Variants in RFX7 observed in about 807,000 individuals in gnomAD.
RFX7 encodes DNA-binding protein RFX7.
Under a neutral mutation model 111.8 loss-of-function variants are expected in RFX7, and 26 were observed. The ratio of observed to expected loss-of-function variants is 0.23; its 90% CI spans 0.17 to 0.32. The LOEUF (loss-of-function observed/expected upper bound fraction) is 0.32, where lower values mean the gene tolerates loss of function less well. Among genes scored for constraint, RFX7 ranks in the 10% least tolerant of loss-of-function variants. The probability of loss-of-function intolerance (pLI) is 1.00; values close to 1 mark genes in which losing one functional copy is unlikely to be tolerated. For synonymous variants in RFX7, 624 were observed against 624.4 expected (o/e 1.00, Z 0.01); for missense variants, 1,573 against 1,772.9 (o/e 0.89, Z 2.02).
rs759170198 is a variant in RFX7 at position 56,093,362 on chromosome 15, CAGT to C, written c.4363_4365del (p.Thr1455del). On this transcript the variant is annotated inframe_deletion, in exon 10 of 10. Coordinates refer to ENST00000559447, the MANE Select transcript of RFX7 (RefSeq NM_022841.7). Reference sequence around the variant, plus strand: ...AACACAATTTAACCCAACATTTCAACAGTAGGATGGTCCTTGCTTTCTATCCAT... The same window carrying C: ...AACACAATTTAACCCAACATTTCAACAGGATGGTCCTTGCTTTCTATCCAT... 5.6e-6 allele frequency: 9 copies of C among 1,609,516 alleles called. No individual in the cohort carries two copies. The highest frequency in any genetic ancestry group is 7.6e-6 in the Non-Finnish European group (9 of 1,177,732).
At chr15:56,110,045 T>G in intron 5 of RFX7, among the ~76,000 whole-genome samples, 1 of 96,452 alleles carries the variant, frequency 1.0e-5, no homozygotes, top group African/African-American at 4.1e-5. Context: ...TACTGGAAAA[T>G]GAGGAGCCCC....
chr15:56,205,168 A>G (rs1291244273), intron 2 of RFX7, among the ~76,000 whole-genome samples: 2 of 152,216 alleles, frequency 1.3e-5, no homozygotes, highest in African/African-American at 4.8e-5. Context: ...TACATCACCA[A>G]AGGAGAGAGA....
intron 3 of RFX7, among the ~76,000 whole-genome samples, chr15:56,163,103 G>C (rs1187801665): frequency 1.3e-5 from 2 of 151,930 alleles, no homozygotes; most frequent in African/African-American, 4.8e-5. Flanking sequence ...AGTCTGTGTC[G>C]GTGAGTTGAC....
intron 2 of RFX7, among the ~76,000 whole-genome samples, chr15:56,184,628 A>G (rs1443376873): frequency 6.7e-6 from 1 of 150,076 alleles, no homozygotes; most frequent in Non-Finnish European, 1.5e-5. Context: ...TCCTACTAGT[A>G]TGATAGTTAA....
At chr15:56,244,401 C>G (rs542234486), upstream of RFX7, 6 of 152,284 alleles carry the variant, frequency 3.9e-5, no homozygotes, top group East Asian at 3.9e-4. Context: ...GAGTGCTCCT[C>G]GGTCGGGCAT....
chr15:56,115,430 G>A (rs1245019384), intron 5 of RFX7, among the ~76,000 whole-genome samples: 1 of 152,174 alleles, frequency 6.6e-6, no homozygotes, highest in African/African-American at 2.4e-5. Context: ...GTTGACACGT[G>A]TGTGGTGGAA....
intron 2 of RFX7, among the ~76,000 whole-genome samples, chr15:56,219,855 T>C (rs1596018082): frequency 2.0e-5 from 3 of 152,238 alleles, no homozygotes; most frequent in African/African-American, 7.2e-5. Flanking sequence ...TAGGGTAGAA[T>C]GATTTCTATT....
intron 5 of RFX7, among the ~76,000 whole-genome samples, chr15:56,121,829 G>A (rs1442978798): frequency 1.3e-5 from 2 of 152,142 alleles, no homozygotes; most frequent in African/African-American, 4.8e-5. Context: ...ATTCTTCAGT[G>A]TATTAATTGC....
chr15:56,201,707 T>A (rs1596005643), intron 2 of RFX7, among the ~76,000 whole-genome samples: 3 of 152,148 alleles, frequency 2.0e-5, no homozygotes, highest in Admixed American at 2.0e-4. Context: ...GATGTATGGA[T>A]AAGAAATCAT....
At chr15:56,218,430 C>G (rs1017440752) in intron 2 of RFX7, among the ~76,000 whole-genome samples, 27 of 152,020 alleles carry the variant, frequency 1.8e-4, no homozygotes, top group African/African-American at 6.0e-4. Context: ...CCACACCCAG[C>G]CTAGAAACAA....
intron 5 of RFX7, among the ~76,000 whole-genome samples, chr15:56,109,141 C>G (rs1251100860): frequency 6.6e-6 from 1 of 152,226 alleles, no homozygotes; most frequent in East Asian, 1.9e-4. Context: ...ACTGCAACCT[C>G]CCTGCCTGAT....
At chr15:56,190,278 G>C (rs190646737) in intron 2 of RFX7, among the ~76,000 whole-genome samples, 36 of 152,278 alleles carry the variant, frequency 2.4e-4, no homozygotes, top group African/African-American at 8.4e-4. Context: ...TCCACTGCTG[G>C]GAGTGCAGTG....
At chr15:56,169,310 AG>A (rs1460977346) in intron 3 of RFX7, among the ~76,000 whole-genome samples, 1 of 152,242 alleles carries the variant, frequency 6.6e-6, no homozygotes, top group African/African-American at 2.4e-5. Context: ...CTCTGCCCTC[AG>A]TAATTCCATA....
chr15:56,178,166 TACACACACACACACACACAC>T (rs140828561), intron 3 of RFX7, among the ~76,000 whole-genome samples: 10 of 119,656 alleles, frequency 8.4e-5, no homozygotes, highest in African/African-American at 3.0e-4. Flanking sequence ...ACCAAAAAAC[TACACACACACACACACACAC>T]ACACACACAC....
At chr15:56,244,761 A>G (rs1199195299), upstream of RFX7, among the ~76,000 whole-genome samples, 2 of 151,922 alleles carry the variant, frequency 1.3e-5, no homozygotes, top group Non-Finnish European at 2.9e-5. Flanking sequence ...GTCAGCCACG[A>G]GCTCCTTCCT....
chr15:56,093,331 T>C lies in RFX7; in HGVS notation c.*14A>G. ...GTCTTTAGATACAGTGTGCTACATG[T>C]TATAAAACACAATTTAACCCAACAT... is the stretch of plus-strand genomic sequence containing the variant. On this transcript the variant is annotated 3_prime_UTR_variant, in exon 10 of 10. Coordinates refer to ENST00000559447, the MANE Select transcript of RFX7 (RefSeq NM_022841.7). The C allele has an allele frequency of 6.3e-7, 1 of 1,588,400 alleles. No individual in the cohort carries two copies. Among genetic ancestry groups the C allele is most frequent in the South Asian group, 1.2e-5 (1 of 85,842 alleles).
In RFX7 at chr15:56,243,140, A is replaced by C; in HGVS notation, c.146T>G (p.Ile49Ser). The C allele has an allele frequency of 7.4e-7, 1 of 1,358,416 alleles. No homozygotes were observed. Among genetic ancestry groups the C allele is most frequent in the Non-Finnish European group, 9.8e-7 (1 of 1,019,016 alleles). 84.1% of individuals were successfully genotyped at this position (1,358,416 alleles called of 1,614,324 possible). The change falls in exon 2 of 10, where the codon ATC becomes AGC. Residue 49 changes from isoleucine to serine, a missense_variant. Transcript: ENST00000559447. ...GTEASALQHKIKNSICKTVQS... is the reference protein window; with the variant it reads ...GTEASALQHKSKNSICKTVQS... ...ATCCTCTTACCAGATGGAGTTCTTG[A>C]TCTTGTGTTGCAGCGCGCTGGCCTC...
At chr15:56,099,009 CAA>C (rs1380003012) in intron 8 of RFX7, among the ~76,000 whole-genome samples, 1 of 151,446 alleles carries the variant, frequency 6.6e-6, no homozygotes, top group East Asian at 1.9e-4. Flanking sequence ...TAAGATATTC[CAA>C]AAAAGTGTCA....
chr15:56,095,743 G>C lies in RFX7; in HGVS notation c.1985C>G (p.Ser662Cys). 1 of 1,613,960 alleles carries C rather than the reference G, an allele frequency of 6.2e-7. No individual in the cohort carries two copies. The highest frequency in any genetic ancestry group is 8.5e-7 in the Non-Finnish European group (1 of 1,179,870). ...CTKSPRKRLS[S>C]TLQETQVPPV... is the part of the protein sequence containing the mutation. ...AGGCACCTGGGTCTCCTGCAATGTA[G>C]AAGACAGTCGTTTTCTTGGGCTTTT... The change falls in exon 10 of 10, where the codon TCT (serine) becomes TGT (cysteine). Residue 662 changes from serine (S) to cysteine (C), a missense_variant. Physicochemically the swap from Ser to Cys is moderately radical, Grantham distance 112 (BLOSUM62 -1). This residue lies in a region of RFX7 where 625 missense variants were observed against 632.2 expected (regional missense o/e 0.99). Transcript: ENST00000559447.
Sources: gnomAD v4.1 joint callset for allele counts (sites outside exome capture counted in the v4.1 genomes callset) on GRCh38, gnomAD v4.1.1 for gene constraint, gnomAD v4.1.1 regional missense constraint, MANE v1.5 for transcripts, NCBI Gene and HGNC (gene_info 2026-07-23, HGNC 2026-07-21) for gene names.